RBL1: variants seen among roughly 807,000 people sequenced by gnomAD.
The protein encoded by RBL1 is RB transcriptional corepressor like 1.
Under a neutral mutation model 123.0 loss-of-function variants are expected in RBL1, and 82 were observed. The ratio of observed to expected loss-of-function variants is 0.67; its 90% CI spans 0.56 to 0.80. The LOEUF (loss-of-function observed/expected upper bound fraction) is 0.80, where lower values mean the gene tolerates loss of function less well. Ranked by LOEUF, RBL1 falls within the 30% of genes least tolerant of loss-of-function variation. RBL1 has a pLI of 0.00. For synonymous variants in RBL1, 405 were observed against 441.3 expected, an observed-to-expected ratio of 0.92 and a Z score of 1.03; for missense variants, 1,171 against 1,299.6, an observed-to-expected ratio of 0.90 and a Z score of 1.52.
intron 2 of RBL1, chr20:37,082,033 G>A (rs138198617): frequency 2.2e-6 from 1 of 456,214 alleles, no homozygotes; most frequent in South Asian, 1.5e-5. Context: ...GCAGCCCCTA[G>A]AAGACAGCAC....
intron 2 of RBL1, among the ~76,000 whole-genome samples, chr20:37,083,715 G>C (rs2065494570): frequency 1.3e-5 from 2 of 148,742 alleles, no homozygotes; most frequent in South Asian, 2.1e-4. Flanking sequence ...TGAGGCAGGA[G>C]AATCACTTGA....
intron 19 of RBL1, among the ~76,000 whole-genome samples, chr20:37,012,655 C>T (rs1371135178): frequency 4.9e-5 from 7 of 143,030 alleles, no homozygotes; most frequent in Admixed American, 6.8e-5. Context: ...AAGTGAGGAG[C>T]GTCTCCGCCC....
At position 37,027,815 on chromosome 20, in the gene RBL1, C is replaced by T. The variant is rs6030847; in HGVS notation, c.2382+4850G>A. On this transcript the variant is annotated intron_variant, in intron 16 of 21. Transcript: ENST00000373664. Reference sequence around the variant, plus strand: ...TGTTGCTTGGGCTGGAGTGTAGTAGCACCTTCTTAGCTCACTGCAGCCTCG... The same window carrying T: ...TGTTGCTTGGGCTGGAGTGTAGTAGTACCTTCTTAGCTCACTGCAGCCTCG... Among the ~76,000 whole-genome samples, 825 of 152,244 alleles carry T rather than the reference C, an allele frequency of 5.4e-3. 8 individuals are homozygous for T. Among genetic ancestry groups the T allele is most frequent in the African/African-American group, 0.019 (782 of 41,542 alleles).
chr20:37,041,625 GTTT>G (rs1310998349), intron 13 of RBL1, among the ~76,000 whole-genome samples: 2 of 151,924 alleles, frequency 1.3e-5, no homozygotes, highest in African/African-American at 4.8e-5. Context: ...ACCAGCCTCT[GTTT>G]TTTATTTTTT....
intron 1 of RBL1, among the ~76,000 whole-genome samples, chr20:37,095,473 T>G (rs529220972): frequency 9.8e-5 from 15 of 152,298 alleles, no homozygotes; most frequent in African/African-American, 2.9e-4. Flanking sequence ...TCTTACTGAT[T>G]TAAGGGCAGC....
chr20:37,058,223 T>C (rs1316040365), intron 9 of RBL1, among the ~76,000 whole-genome samples: 1 of 151,566 alleles, frequency 6.6e-6, no homozygotes, highest in African/African-American at 2.4e-5. Context: ...CAAATCTTCA[T>C]GGAATGTTGG....
intron 2 of RBL1, among the ~76,000 whole-genome samples, chr20:37,071,056 A>G (rs1937000): frequency 0.96 from 146,253 of 152,072 alleles, 70,556 homozygotes; most frequent in Non-Finnish European, 1. Flanking sequence ...CACCATGCCT[A>G]GCTAATTTTT....
intron 2 of RBL1, among the ~76,000 whole-genome samples, chr20:37,079,460 A>C (rs2065415540): frequency 1.4e-5 from 2 of 138,398 alleles, no homozygotes; most frequent in Admixed American, 1.5e-4. Flanking sequence ...TGCTGGGCTT[A>C]AAGCATTTTT....
chr20:37,040,415 G>A lies in RBL1; in HGVS notation c.1771-130C>T, dbSNP rs561742841. 2.1e-5 allele frequency: 28 copies of A among 1,356,822 alleles called. No homozygotes were observed. The African/African-American group carries it at 3.1e-4, about 15-fold the overall frequency. The allele number at this position is 1,356,822 out of a possible 1,614,324, so 84.0% of individuals were successfully genotyped here. A position where few individuals can be genotyped will look rare whatever the true frequency, so the allele number is the denominator to read the frequency against. ...TGCCCAGGCTGGAATGCAGTGGCAC[G>A]ATTTCAGCTCACAGCAACCTCCAAC... On this transcript the variant is annotated intron_variant, in intron 13 of 21. Coordinates refer to ENST00000373664, the MANE Select transcript of RBL1 (RefSeq NM_002895.5).
chr20:37,024,037 G>A (rs6017020), intron 16 of RBL1, among the ~76,000 whole-genome samples: 1,878 of 151,402 alleles, frequency 0.012, 45 homozygotes, highest in African/African-American at 0.043. Context: ...TGCTGGCCTC[G>A]GCCTCCCAAA....
intron 2 of RBL1, among the ~76,000 whole-genome samples, chr20:37,080,622 C>A (rs574178440): frequency 6.6e-6 from 1 of 151,828 alleles, no homozygotes; most frequent in East Asian, 1.9e-4. Context: ...TTGCGCCCAG[C>A]AAATTTTTAT....
chr20:37,047,116 G>A lies in RBL1; in HGVS notation c.1542C>T (p.Ser514=), dbSNP rs375018928. The part of the protein sequence containing the change: ...CCLEIVLFAY[S]SPRTFPWIIE... ...TAATCCAAGGAAAAGTACGAGGTGA[G>A]CTATAGGCAAAGAGCACAATTTCCA... Residue 514 remains serine (S), a synonymous_variant, in exon 12 of 22, where the codon AGC becomes AGT. Transcript: ENST00000373664. The A allele has an allele frequency of 7.3e-5, 117 of 1,606,862 alleles. 1 individual carries two copies. The South Asian group carries it at 9.3e-4, about 13-fold the overall frequency.
At chr20:37,081,441 G>A (rs1272634678) in intron 2 of RBL1, among the ~76,000 whole-genome samples, 2 of 152,076 alleles carry the variant, frequency 1.3e-5, no homozygotes, top group Admixed American at 1.3e-4. Flanking sequence ...AGAAGTTCAA[G>A]ACCAACCTGG....
chr20:37,058,071 G>A (rs1019778081), intron 9 of RBL1, among the ~76,000 whole-genome samples: 4 of 148,498 alleles, frequency 2.7e-5, no homozygotes, highest in East Asian at 2.1e-4. Flanking sequence ...GCTGCAGATC[G>A]GGCCATTGTA....
chr20:37,047,212 A>G (rs754134100), intron 11 of RBL1, 22 bp from the exon 12 acceptor site: 1 of 1,565,960 alleles, frequency 6.4e-7, no homozygotes, highest in South Asian at 1.2e-5. Context: ...GAAAGACCAC[A>G]GTTTAATATT....
chr20:37,020,111 C>G (rs1310556531), intron 18 of RBL1, among the ~76,000 whole-genome samples: 1 of 133,366 alleles, frequency 7.5e-6, no homozygotes, highest in Non-Finnish European at 1.6e-5. Flanking sequence ...TTTTTTGAGA[C>G]AGAGTCTCGC....
intron 2 of RBL1, chr20:37,082,118 C>T: frequency 2.3e-6 from 1 of 432,596 alleles, no homozygotes; most frequent in South Asian, 1.6e-5. Context: ...CACTAAGGGA[C>T]AACGCAGGGG....
intron 15 of RBL1, 123 bp downstream of exon 15, chr20:37,035,116 TAAA>T: frequency 1.2e-6 from 1 of 813,232 alleles, no homozygotes; most frequent in Non-Finnish European, 1.8e-6. Flanking sequence ...CAAATCTATT[TAAA>T]AAAAAAAAGT....
intron 1 of RBL1, among the ~76,000 whole-genome samples, chr20:37,091,665 C>CAAA (rs11421608): frequency 4.7e-5 from 5 of 105,918 alleles, no homozygotes; most frequent in Non-Finnish European, 8.1e-5. Context: ...GACTCTATCT[C>CAAA]AAAAAAAAAA....
Sources: gnomAD v4.1 joint callset for allele counts (sites outside exome capture counted in the v4.1 genomes callset) on GRCh38, gnomAD v4.1.1 for gene constraint, MANE v1.5 for transcripts, NCBI Gene and HGNC (gene_info 2026-07-23, HGNC 2026-07-21) for gene names.